ATR: variants seen among roughly 807,000 people sequenced by gnomAD.
The protein encoded by ATR is serine/threonine-protein kinase ATR.
Under a neutral mutation model 305.3 loss-of-function variants are expected in ATR, and 142 were observed. The observed-to-expected ratio is 0.47, with a 90% CI of 0.41 to 0.53. The LOEUF (loss-of-function observed/expected upper bound fraction) is 0.53, where lower values mean the gene tolerates loss of function less well. Ranked by LOEUF, ATR falls within the 20% of genes least tolerant of loss-of-function variation. The pLI, the probability that ATR is intolerant of heterozygous loss-of-function variation, is 0.00. For missense variants in ATR, 2,135 were observed against 3,133.1 expected, an observed-to-expected ratio of 0.68 and a Z score of 7.60; for synonymous variants, 1,050 against 1,068.1, an observed-to-expected ratio of 0.98 and a Z score of 0.33.
rs186551980 is a variant in ATR at position 142,532,612 on chromosome 3, T to C, written c.3945+2468A>G. On this transcript the variant is annotated intron_variant, in intron 21 of 46. Transcript: ENST00000350721. ...ACAGGGCTTTTGCAGGGTCATTCCA[T>C]AAAAAATAGTTAAGTATCTAATGCT... Among the ~76,000 whole-genome samples, 1,202 of 152,186 alleles carry C rather than the reference T, an allele frequency of 7.9e-3. 9 individuals carry two copies. Among genetic ancestry groups the C allele is most frequent in the South Asian group, 0.017 (80 of 4,824 alleles).
rs1029034437 is a variant in ATR, at chr3:142,459,279, G to A, written c.7297C>T (p.Pro2433Ser). The stretch of plus-strand genomic sequence containing the variant: ...AGAAACCACTCATGAAAAATAGGAG[G>A]ATGCCTGGGCAGGAGAAATTCTCGG... ...VFREFLLPRHPPIFHEWFLRT... is the reference protein window; with the variant it reads ...VFREFLLPRHSPIFHEWFLRT... Residue 2433 changes from proline (P) to serine (S), a missense_variant, in exon 43 of 47, where the codon CCT becomes TCT. Physicochemically the swap from Pro to Ser is moderately conservative, Grantham distance 74. Coordinates refer to ENST00000350721, the MANE Select transcript of ATR (RefSeq NM_001184.4). 3 of 1,613,840 alleles carry A rather than the reference G, an allele frequency of 1.9e-6. No individual in the cohort carries two copies. Among genetic ancestry groups the A allele is most frequent in the African/African-American group, 2.7e-5 (2 of 74,912 alleles).
chr3:142,510,252 T>A (rs2032482787), intron 27 of ATR, among the ~76,000 whole-genome samples: 1 of 152,056 alleles, frequency 6.6e-6, no homozygotes, highest in African/African-American at 2.4e-5. Flanking sequence ...TTCCAACACT[T>A]TGGGAGATCG....
At chr3:142,463,785 A>C (rs1292157992) in intron 41 of ATR, among the ~76,000 whole-genome samples, 1 of 152,216 alleles carries the variant, frequency 6.6e-6, no homozygotes, top group Non-Finnish European at 1.5e-5. Flanking sequence ...TGGTTAAACC[A>C]AGCAGACTAT....
chr3:142,479,886 T>C (rs965595777), intron 36 of ATR, among the ~76,000 whole-genome samples: 3 of 152,264 alleles, frequency 2.0e-5, no homozygotes, highest in African/African-American at 7.2e-5. Flanking sequence ...AATCGGCTAC[T>C]GAAGCTTGTG....
Position 142,459,291 on chromosome 3 carries a change from G to A in ATR, c.7285C>T (p.Leu2429=). Residue 2429 remains leucine, a synonymous_variant, in exon 43 of 47, where the codon CTG becomes TTG. Coordinates refer to ENST00000350721, the MANE Select transcript of ATR (RefSeq NM_001184.4). Reference sequence around the variant, plus strand: ...TGAAAAATAGGAGGATGCCTGGGCAGGAGAAATTCTCGGAATACTTTGAGT... The same window carrying A: ...TGAAAAATAGGAGGATGCCTGGGCAAGAGAAATTCTCGGAATACTTTGAGT... The part of the protein sequence containing the change: ...EKLKVFREFL[L]PRHPPIFHEW... The A allele has an allele frequency of 6.2e-7, 1 of 1,613,962 alleles. No individual in the cohort carries two copies. Among genetic ancestry groups the A allele is most frequent in the Admixed American group, 1.7e-5 (1 of 60,012 alleles).
chr3:142,571,658 T>G (rs896620586), intron 1 of ATR, among the ~76,000 whole-genome samples: 1 of 152,156 alleles, frequency 6.6e-6, no homozygotes, highest in Admixed American at 6.5e-5. Flanking sequence ...TTATAAATAA[T>G]AGCATATATT....
Position 142,457,729 on chromosome 3 carries a change from A to G in ATR, c.7530T>C (p.Ile2510=), listed in dbSNP as rs2070936660. The part of the protein sequence containing the change: ...NKGETFEVPE[I]VPFRLTHNMV... ...TATTATGAGTCAGGCGAAATGGCAC[A>G]ATTTCTGGAACTTCAAAGGTTTCTC... is the stretch of plus-strand genomic sequence containing the variant. The change falls in exon 45 of 47, where the codon ATT becomes ATC. Residue 2510 remains isoleucine, a synonymous_variant. Transcript: ENST00000350721. The G allele has an allele frequency of 3.7e-6, 6 of 1,614,044 alleles. No homozygotes were observed. The East Asian group carries it at 1.3e-4, about 36-fold the overall frequency.
chr3:142,541,233 C>T (rs934056748), intron 17 of ATR, among the ~76,000 whole-genome samples, 199 bp from the exon 18 acceptor site: 6 of 152,126 alleles, frequency 3.9e-5, no homozygotes, highest in Non-Finnish European at 1.5e-5. Context: ...TTGAAAAATA[C>T]AAGTTGAGTT....
chr3:142,478,252 C>G (rs2030062297), intron 36 of ATR, among the ~76,000 whole-genome samples: 1 of 152,144 alleles, frequency 6.6e-6, no homozygotes, highest in Non-Finnish European at 1.5e-5. Flanking sequence ...CCTCTACACA[C>G]TGCTTTAAAT....
chr3:142,506,897 C>A (rs2032270636), intron 28 of ATR, among the ~76,000 whole-genome samples: 1 of 152,110 alleles, frequency 6.6e-6, no homozygotes, highest in Non-Finnish European at 1.5e-5. Flanking sequence ...TGTTAGAGTC[C>A]TGCAGTTTTA....
At chr3:142,493,904 T>C (rs745793120) in intron 34 of ATR, among the ~76,000 whole-genome samples, 7 of 150,956 alleles carry the variant, frequency 4.6e-5, no homozygotes, top group Non-Finnish European at 8.8e-5. Flanking sequence ...TGATGGCTTA[T>C]GCTTATAGCC....
At chr3:142,518,519 A>AAAT (rs1264820402) in intron 24 of ATR, among the ~76,000 whole-genome samples, 1 of 152,210 alleles carries the variant, frequency 6.6e-6, no homozygotes, top group African/African-American at 2.4e-5. Context: ...TCTGTCTCAA[A>AAAT]AATAATAATA....
intron 5 of ATR, among the ~76,000 whole-genome samples, 163 bp downstream of exon 5, chr3:142,561,080 A>T (rs1171999265): frequency 6.6e-6 from 1 of 152,228 alleles, no homozygotes; most frequent in Non-Finnish European, 1.5e-5. Flanking sequence ...TATACTACTA[A>T]CCGTCTACAA....
chr3:142,529,593 C>T (rs1350902022), intron 21 of ATR, among the ~76,000 whole-genome samples: 3 of 152,136 alleles, frequency 2.0e-5, no homozygotes, highest in African/African-American at 4.8e-5. Flanking sequence ...TCCTCTAATA[C>T]ATCTCTTAGG....
At chr3:142,566,393 C>A (rs571774212) in intron 2 of ATR, 132 bp from the exon 3 acceptor site, 3 of 960,716 alleles carry the variant, frequency 3.1e-6, no homozygotes, top group African/African-American at 1.6e-5. Flanking sequence ...CTGAAGTGGG[C>A]GGATCACCTG....
At chr3:142,569,238 C>T (rs1376137166) in intron 1 of ATR, among the ~76,000 whole-genome samples, 3 of 152,216 alleles carry the variant, frequency 2.0e-5, no homozygotes, top group African/African-American at 7.2e-5. Flanking sequence ...CCATTGTACA[C>T]TCCCACCTGC....
rs1248650829 is a variant in ATR at position 142,556,011 on chromosome 3, C to A, written c.2207G>T (p.Gly736Val). The stretch of plus-strand genomic sequence containing the variant: ...GTTCCTACAGAAGAGGTCCACATGT[C>A]CGTGTTCAGAGAAAGGTTCTGTTAA... The part of the protein sequence containing the change: ...SSLTEPFSEH[G>V]HVDLFCRNLK... The change falls in exon 10 of 47, where the codon GGA becomes GTA. Residue 736 changes from glycine to valine, a missense_variant. Physicochemically the swap from Gly to Val is moderately radical, Grantham distance 109 (BLOSUM62 -3). Around this residue, in one of 9 missense-constraint regions of ATR, gnomAD observed 744 missense variants for 873.2 expected, o/e 0.85. Transcript: ENST00000350721. 6.2e-7 allele frequency: 1 copy of A among 1,613,922 alleles called. No homozygotes were observed.
rs78050501 is a variant in ATR at position 142,565,376 on chromosome 3, T to G, written c.292+745A>C. Among the ~76,000 whole-genome samples the G allele has an allele frequency of 9.5e-3, 1,450 of 152,128 alleles. 28 individuals carry two copies. Among genetic ancestry groups the G allele is most frequent in the African/African-American group, 0.032 (1,334 of 41,526 alleles). On this transcript the variant is annotated intron_variant, in intron 3 of 46. Coordinates refer to ENST00000350721, the MANE Select transcript of ATR (RefSeq NM_001184.4). ...CTTTATCCATTATACAAAAAAAATG[T>G]TTATTTTGCATCTCTTTATGAAGAC...
chr3:142,550,585 T>C (rs1413295878), intron 13 of ATR, among the ~76,000 whole-genome samples: 3 of 152,184 alleles, frequency 2.0e-5, no homozygotes, highest in Admixed American at 2.0e-4. Flanking sequence ...ATTAATTGAA[T>C]ATATTTAAAA....
Sources: allele counts gnomAD v4.1 joint callset (sites outside exome capture counted in the v4.1 genomes callset), GRCh38; gene constraint gnomAD v4.1.1; regional missense constraint gnomAD v4.1.1; transcripts MANE v1.5; gene names NCBI Gene and HGNC (gene_info 2026-07-23, HGNC 2026-07-21).